The following YBX3 variants were observed in gnomAD, a reference collection of about 807,000 sequenced individuals.
The protein encoded by YBX3 is Y-box binding protein 3.
YBX3 carries 29 observed loss-of-function variants against 42.4 expected under a neutral mutation model. That is an observed-to-expected ratio of 0.68 (90% confidence interval 0.51 to 0.93). The LOEUF is 0.93. Ranked by LOEUF, YBX3 falls within the 40% of genes least tolerant of loss-of-function variation. The pLI is 0.00. For missense variants in YBX3, 517 were observed against 527.5 expected (o/e 0.98, Z 0.19); for synonymous variants, 195 against 189.8 (o/e 1.03, Z -0.22).
At chr12:10,704,211 C>G (rs1324617928) in intron 6 of YBX3, 63 bp from the exon 7 acceptor site, 1 of 1,335,232 alleles carries the variant, frequency 7.5e-7, no homozygotes, top group South Asian at 1.3e-5. Context: ...ACAGTGCATA[C>G]AGCTATGTTC....
At chr12:10,717,463 A>G (rs1948275545) in intron 3 of YBX3, among the ~76,000 whole-genome samples, 1 of 152,250 alleles carries the variant, frequency 6.6e-6, no homozygotes, top group African/African-American at 2.4e-5. Context: ...ATAACATCCT[A>G]GGCTAATAAA....
At position 10,701,253 on chromosome 12, in the gene YBX3, C is replaced by A. The variant is rs771024079; in HGVS notation, c.*34+1G>T. On this transcript the variant is annotated splice_donor_variant, in intron 9 of 9. Coordinates refer to ENST00000228251, the MANE Select transcript of YBX3 (RefSeq NM_003651.5). LOFTEE classifies it low-confidence loss of function (3UTR_SPLICE). ...CAAGACTGGGCTGCCCCAGCTCTTA[C>A]CTGCCGATGGTGAAGGTGCCTGAGG... is the stretch of plus-strand genomic sequence containing the variant. 1 of 777,606 alleles carries A rather than the reference C, an allele frequency of 1.3e-6. No individual in the cohort carries two copies. Among genetic ancestry groups the A allele is most frequent in the Non-Finnish European group, 2.4e-6 (1 of 417,504 alleles). 48.2% of individuals were successfully genotyped at this position (777,606 alleles called of 1,614,324 possible).
chr12:10,720,814 T>A (rs969466879), intron 1 of YBX3: 3 of 152,212 alleles, frequency 2.0e-5, no homozygotes, highest in African/African-American at 7.2e-5. Context: ...GAAGGTTATT[T>A]TTACTCTCCA....
chr12:10,700,097 AG>A (rs1019044751), intron 9 of YBX3, among the ~76,000 whole-genome samples: 8 of 152,188 alleles, frequency 5.3e-5, no homozygotes, highest in Non-Finnish European at 1.2e-4. Context: ...ACGCCATAAA[AG>A]GGTATGGCCA....
chr12:10,701,053 C>T (rs910245845), intron 9 of YBX3, among the ~76,000 whole-genome samples: 2 of 151,990 alleles, frequency 1.3e-5, no homozygotes, highest in Non-Finnish European at 2.9e-5. Flanking sequence ...ATGCTTATAC[C>T]CTCACCAAAG....
chr12:10,701,474 C>A, intron 8 of YBX3, 121 bp from the exon 9 acceptor site: 1 of 680,652 alleles, frequency 1.5e-6, no homozygotes, highest in South Asian at 1.7e-5. Context: ...AAAAATTTAA[C>A]TACTCTTAAG....
intron 6 of YBX3, among the ~76,000 whole-genome samples, chr12:10,707,687 C>T (rs1948153349): frequency 6.6e-6 from 1 of 152,194 alleles, no homozygotes; most frequent in African/African-American, 2.4e-5. Flanking sequence ...CTTCTCATCA[C>T]ATTTACAGTA....
chr12:10,717,415 T>G (rs1948275037), intron 3 of YBX3, among the ~76,000 whole-genome samples: 1 of 152,146 alleles, frequency 6.6e-6, no homozygotes, highest in Non-Finnish European at 1.5e-5. Flanking sequence ...TTAACCTATT[T>G]TATAAAGGAA....
At position 10,704,066 on chromosome 12, in the gene YBX3, C is replaced by CTACG; in HGVS notation, c.862_863insCGTA (p.Arg288ProfsTer2). On this transcript the variant is annotated stop_gained and frameshift_variant, in exon 7 of 10. Coordinates refer to ENST00000228251, the MANE Select transcript of YBX3 (RefSeq NM_003651.5). LOFTEE classifies it high-confidence loss of function. ...TGCGACATACCTACGGTACCTTGGG[C>CTACG]GGTAAGTTGGATTTCGATGAACCGG... 1 of 1,614,170 alleles carries CTACG rather than the reference C, an allele frequency of 6.2e-7. No homozygotes were observed. The highest frequency in any genetic ancestry group is 8.5e-7 in the Non-Finnish European group (1 of 1,180,024).
intron 6 of YBX3, among the ~76,000 whole-genome samples, chr12:10,709,200 AG>A (rs1948170911): frequency 6.6e-6 from 1 of 152,230 alleles, no homozygotes; most frequent in African/African-American, 2.4e-5. Flanking sequence ...GACACTGAGG[AG>A]AAAAAAGTTG....
chr12:10,714,352 G>T (rs1246852554), intron 4 of YBX3, among the ~76,000 whole-genome samples: 1 of 152,156 alleles, frequency 6.6e-6, no homozygotes, highest in East Asian at 1.9e-4. Flanking sequence ...ATGATTAGCT[G>T]CCATGGCAGT....
rs1948185672 is a variant in YBX3, at chr12:10,710,251, A to AT, written c.574-138dup. On this transcript the variant is annotated intron_variant, in intron 5 of 9. Coordinates refer to ENST00000228251, the MANE Select transcript of YBX3 (RefSeq NM_003651.5). ...CCTTTCCATTATACAGACAAAATGC[A>AT]TTTAACCCAGATTATCATGTGATTG... 2.0e-6 allele frequency: 3 copies of AT among 1,523,888 alleles called. No individual in the cohort carries two copies. In the East Asian group the frequency reaches 7.3e-5, roughly 37 times the overall value. The allele number at this position is 1,523,888 out of a possible 1,614,324, so 94.4% of individuals were successfully genotyped here.
chr12:10,713,409 A>T lies in YBX3; in HGVS notation c.451-76T>A. 4 of 1,525,580 alleles carry T rather than the reference A, an allele frequency of 2.6e-6. No homozygotes were observed. In the South Asian group the frequency reaches 4.9e-5, roughly 19 times the overall value. 94.5% of individuals were successfully genotyped at this position (1,525,580 alleles called of 1,614,324 possible). A position where few individuals can be genotyped will look rare whatever the true frequency, so the allele number is the denominator to read the frequency against. ...ACTCAAAAAACAGCCTTGGACTGCT[A>T]GAGTATAAGACTGGCAGAACATACT... On this transcript the variant is annotated intron_variant, in intron 4 of 9. Coordinates refer to ENST00000228251, the MANE Select transcript of YBX3 (RefSeq NM_003651.5).
chr12:10,715,845 G>A (rs994341245), intron 3 of YBX3, 62 bp from the exon 4 acceptor site: 82 of 1,356,290 alleles, frequency 6.0e-5, no homozygotes, highest in Non-Finnish European at 8.6e-5. Context: ...AGATTTCACT[G>A]CTTTCAAGTA....
chr12:10,716,134 T>A, intron 3 of YBX3: 2 of 181,406 alleles, frequency 1.1e-5, no homozygotes, highest in East Asian at 1.7e-4. Flanking sequence ...AGAGATTCTC[T>A]GAATCTCCGG....
intron 6 of YBX3, among the ~76,000 whole-genome samples, chr12:10,705,782 A>G (rs1267581499): frequency 1.3e-5 from 2 of 151,778 alleles, no homozygotes; most frequent in Non-Finnish European, 1.5e-5. Flanking sequence ...ATGGTTTTCT[A>G]TTTTTTTCAA....
chr12:10,712,753 C>T (rs977329158), intron 5 of YBX3: 2 of 152,444 alleles, frequency 1.3e-5, no homozygotes, highest in Non-Finnish European at 2.9e-5. Context: ...GAAGAGAAAC[C>T]TTGTTAAAAA....
intron 5 of YBX3, 95 bp downstream of exon 5, chr12:10,713,116 G>T: frequency 2.3e-6 from 3 of 1,324,904 alleles, no homozygotes; most frequent in Non-Finnish European, 3.0e-6. Context: ...TTGTCTCCAG[G>T]AGAAGACAAG....
At position 10,723,098 on chromosome 12, in the gene YBX3, C is replaced by G. The variant is rs1055020674; in HGVS notation, c.14G>C (p.Gly5Ala). The change falls in exon 1 of 10, where the codon GGC (glycine) becomes GCC (alanine). Residue 5 changes from glycine (G) to alanine (A), a missense_variant. This residue lies in a region of YBX3 where 86 missense variants were observed against 82.5 expected (regional missense o/e 1.04). Transcript: ENST00000228251. ...GGTGGTGGTGGTGGTGGTGGCCTCG[C>G]CCGCCTCACTCATGCCTCCTCCTCC... is the stretch of plus-strand genomic sequence containing the variant. MSEA[G>A]EATTTTTTTL... The G allele has an allele frequency of 5.8e-6, 7 of 1,206,100 alleles. No individual in the cohort carries two copies. The highest frequency in any genetic ancestry group is 6.2e-4 in the Middle Eastern group (2 of 3,240). The allele number at this position is 1,206,100 out of a possible 1,614,324, so 74.7% of individuals were successfully genotyped here.
Sources: gnomAD v4.1 joint callset for allele counts (sites outside exome capture counted in the v4.1 genomes callset) on GRCh38, gnomAD v4.1.1 for gene constraint, gnomAD v4.1.1 regional missense constraint, MANE v1.5 for transcripts, NCBI Gene and HGNC (gene_info 2026-07-23, HGNC 2026-07-21) for gene names.